The following EFNA5 variants were observed in gnomAD, a reference collection of about 807,000 sequenced individuals.
EFNA5 encodes ephrin-A5.
Under a neutral mutation model 22.9 loss-of-function variants are expected in EFNA5, and 5 were observed. The ratio of observed to expected loss-of-function variants is 0.22; its 90% CI spans 0.11 to 0.46. The LOEUF is 0.46. Ranked by LOEUF, EFNA5 falls within the 20% of genes least tolerant of loss-of-function variation. EFNA5 has a pLI of 0.99. For missense variants in EFNA5, 237 were observed against 293.3 expected (o/e 0.81, Z 1.40); for synonymous variants, 113 against 112.2 (o/e 1.01, Z -0.04).
intron 1 of EFNA5, among the ~76,000 whole-genome samples, chr5:107,431,731 T>C (rs566983561): frequency 6.6e-6 from 1 of 152,340 alleles, no homozygotes; most frequent in South Asian, 2.1e-4. Context: ...ATTTTCATTC[T>C]TGATGAGGTT....
chr5:107,599,228 G>A (rs561091587), intron 1 of EFNA5, among the ~76,000 whole-genome samples: 7 of 152,182 alleles, frequency 4.6e-5, no homozygotes, highest in African/African-American at 1.7e-4. Context: ...CATCACTAGG[G>A]AGCTCCTAAA....
chr5:107,422,206 T>C (rs986197059), intron 2 of EFNA5, among the ~76,000 whole-genome samples: 5 of 152,188 alleles, frequency 3.3e-5, no homozygotes, highest in Non-Finnish European at 5.9e-5. Context: ...CACCTGTAAA[T>C]AGGGAAAAAG....
chr5:107,393,814 C>T (rs1747848640), intron 2 of EFNA5, among the ~76,000 whole-genome samples: 2 of 151,980 alleles, frequency 1.3e-5, no homozygotes, highest in Non-Finnish European at 2.9e-5. Flanking sequence ...AGAGTAAAGC[C>T]CATTTAAATC....
At chr5:107,457,416 G>A (rs754550238) in intron 1 of EFNA5, among the ~76,000 whole-genome samples, 13 of 152,028 alleles carry the variant, frequency 8.6e-5, no homozygotes, top group South Asian at 6.2e-4. Context: ...AAAAGGCATC[G>A]CATTTGCATA....
At chr5:107,474,729 A>C (rs533274035) in intron 1 of EFNA5, among the ~76,000 whole-genome samples, 1 of 152,292 alleles carries the variant, frequency 6.6e-6, no homozygotes, top group African/African-American at 2.4e-5. Flanking sequence ...ACACCACCTC[A>C]ATCTTGTTAA....
At chr5:107,440,074 C>T (rs1288708602) in intron 1 of EFNA5, among the ~76,000 whole-genome samples, 2 of 152,186 alleles carry the variant, frequency 1.3e-5, no homozygotes, top group Non-Finnish European at 2.9e-5. Context: ...TCCCCACACT[C>T]ATTAAAAGGA....
At chr5:107,518,678 C>T (rs1352505285) in intron 1 of EFNA5, among the ~76,000 whole-genome samples, 1 of 152,120 alleles carries the variant, frequency 6.6e-6, no homozygotes. Context: ...ACTTCAGTAA[C>T]CTCAGCTCCC....
chr5:107,548,730 G>A (rs139805283), intron 1 of EFNA5, among the ~76,000 whole-genome samples: 2 of 152,288 alleles, frequency 1.3e-5, no homozygotes, highest in Non-Finnish European at 2.9e-5. Flanking sequence ...TGTGCAAAAT[G>A]TGAAACCACC....
intron 1 of EFNA5, among the ~76,000 whole-genome samples, chr5:107,427,767 A>G (rs1392175491): frequency 2.6e-5 from 4 of 152,108 alleles, no homozygotes; most frequent in African/African-American, 9.7e-5. Context: ...TTCATTTTAA[A>G]TATTATATTA....
At chr5:107,635,942 T>C (rs1343297624) in intron 1 of EFNA5, among the ~76,000 whole-genome samples, 1 of 152,248 alleles carries the variant, frequency 6.6e-6, no homozygotes, top group African/African-American at 2.4e-5. Flanking sequence ...GGACATGGGT[T>C]GAAAATATTA....
At chr5:107,622,931 G>C (rs1185893611) in intron 1 of EFNA5, among the ~76,000 whole-genome samples, 1 of 141,358 alleles carries the variant, frequency 7.1e-6, no homozygotes, top group Non-Finnish European at 1.5e-5. Context: ...TGAGGCAGGA[G>C]AATGGCGTGA....
chr5:107,512,859 T>G (rs1747400210), intron 1 of EFNA5, among the ~76,000 whole-genome samples: 1 of 152,180 alleles, frequency 6.6e-6, no homozygotes, highest in Non-Finnish European at 1.5e-5. Flanking sequence ...GGGGAGCTCT[T>G]TGAAGACATA....
chr5:107,573,663 T>A (rs540422672), intron 1 of EFNA5, among the ~76,000 whole-genome samples: 57 of 152,290 alleles, frequency 3.7e-4, no homozygotes, highest in African/African-American at 1.3e-3. Context: ...GCACTATGGA[T>A]GTCTATCCCA....
chr5:107,478,842 A>C (rs1463700870), intron 1 of EFNA5, among the ~76,000 whole-genome samples: 2 of 152,204 alleles, frequency 1.3e-5, no homozygotes, highest in Non-Finnish European at 2.9e-5. Flanking sequence ...TAGTCTGCTT[A>C]CTAAAATGAA....
chr5:107,662,903 T>G (rs1750993014), intron 1 of EFNA5, among the ~76,000 whole-genome samples: 1 of 151,914 alleles, frequency 6.6e-6, no homozygotes, highest in African/African-American at 2.4e-5. Context: ...AATATATCAC[T>G]TTGAAGTTAG....
In EFNA5 at chr5:107,442,197, ATACT is replaced by A. The variant is rs537078142; in HGVS notation, c.126-14692_126-14689del. 1.3e-4 allele frequency among the ~76,000 whole-genome samples: 20 copies of A among 151,856 alleles called. No homozygotes were observed. In the South Asian group the frequency reaches 4.2e-3, roughly 32 times the overall value. ...GAGATGGCCTTTTTTTTTCCCATTG[ATACT>A]TAGTCTTAATAATTTCACAAGAACC... On this transcript the variant is annotated intron_variant, in intron 1 of 4. Transcript: ENST00000333274.
In EFNA5 at chr5:107,606,538, A is replaced by AACACACAC. The variant is rs58031827; in HGVS notation, c.125+63943_125+63950dup. On this transcript the variant is annotated intron_variant, in intron 1 of 4. Coordinates refer to ENST00000333274, the MANE Select transcript of EFNA5 (RefSeq NM_001962.3). ...ATCATAGACACACACTTGCACGTAC[A>AACACACAC]ACACACACACACACACACACACACA... Among the ~76,000 whole-genome samples the AACACACAC allele has an allele frequency of 1.4e-3, 203 of 144,188 alleles. 1 individual carries two copies. Among genetic ancestry groups the AACACACAC allele is most frequent in the Middle Eastern group, 6.9e-3 (2 of 288 alleles). 94.6% of individuals were successfully genotyped at this position (144,188 alleles called of 152,430 possible).
At chr5:107,411,225 A>C (rs1748358273) in intron 2 of EFNA5, among the ~76,000 whole-genome samples, 1 of 152,188 alleles carries the variant, frequency 6.6e-6, no homozygotes, top group Admixed American at 6.5e-5. Context: ...ACTATTCCAC[A>C]TATTCTACAG....
intron 1 of EFNA5, among the ~76,000 whole-genome samples, chr5:107,658,608 A>G (rs1176824768): frequency 6.6e-6 from 1 of 152,202 alleles, no homozygotes; most frequent in Non-Finnish European, 1.5e-5. Flanking sequence ...AACTCTATGA[A>G]AAGTTCAGCG....
Sources: gnomAD v4.1 joint callset for allele counts (sites outside exome capture counted in the v4.1 genomes callset) on GRCh38, gnomAD v4.1.1 for gene constraint, MANE v1.5 for transcripts, NCBI Gene and HGNC (gene_info 2026-07-23, HGNC 2026-07-21) for gene names.